The following FZR1 variants were observed in gnomAD, a reference collection of about 807,000 sequenced individuals.
FZR1 encodes the protein fizzy-related protein homolog.
A neutral mutation model predicts 63.6 loss-of-function variants in FZR1; 11 were observed. That is an observed-to-expected ratio of 0.17 (90% CI 0.11 to 0.29). FZR1 has a LOEUF of 0.29. Ranked by LOEUF, FZR1 falls within the 10% of genes least tolerant of loss-of-function variation. The probability of loss-of-function intolerance (pLI) is 1.00; values close to 1 mark genes in which losing one functional copy is unlikely to be tolerated. For synonymous variants in FZR1, 328 were observed against 297.9 expected, an observed-to-expected ratio of 1.10 and a Z score of -1.04; for missense variants, 440 against 687.5, an observed-to-expected ratio of 0.64 and a Z score of 4.03.
In FZR1 at chr19:3,525,716, A is replaced by T; in HGVS notation, c.70-152A>T. ...CTCGGCCTCCCAAAGTGCTGGGATT[A>T]CGGGCGTGAGCCACCGCGCCTGGCC... On this transcript the variant is annotated intron_variant, in intron 2 of 13. Coordinates refer to ENST00000441788, the MANE Select transcript of FZR1 (RefSeq NM_016263.4). This position sits in a 1 kb window ranked among gnomAD's most constrained non-coding sequence, Gnocchi z 4.2. 1.2e-6 allele frequency: 1 copy of T among 837,378 alleles called. No homozygotes were observed. The highest frequency in any genetic ancestry group is 1.9e-6 in the Non-Finnish European group (1 of 539,900). The allele number at this position is 837,378 out of a possible 1,614,324, so 51.9% of individuals were successfully genotyped here. A position where few individuals can be genotyped will look rare whatever the true frequency, so the allele number is the denominator to read the frequency against.
Position 3,531,796 on chromosome 19 carries a change from A to T in FZR1, c.803A>T (p.Glu268Val). 3 of 1,550,284 alleles carry T rather than the reference A, an allele frequency of 1.9e-6. No homozygotes were observed. The highest frequency in any genetic ancestry group is 2.6e-6 in the Non-Finnish European group (3 of 1,146,730). ...GCAGGGAAGAAGCTGTCCATGTTGG[A>T]GGGCCACACGGCACGCGTCGGTGAG... ...AAAGKKLSML[E>V]GHTARVGALA... Residue 268 changes from glutamate to valine, a missense_variant, in exon 9 of 14, where the codon GAG (glutamate) becomes GTG (valine). Coordinates refer to ENST00000441788, the MANE Select transcript of FZR1 (RefSeq NM_016263.4).
At position 3,532,436 on chromosome 19, in the gene FZR1, C is replaced by T. The variant is rs776358889; in HGVS notation, c.1028C>T (p.Ser343Leu). ...NDNKLLVWNH[S>L]SLSPVQQYTE... is the part of the protein sequence containing the mutation. Reference sequence around the variant, plus strand: ...CCCCAGCTGCTGGTCTGGAATCACTCGAGCCTGAGCCCCGTGCAGCAGTAC... The same window carrying T: ...CCCCAGCTGCTGGTCTGGAATCACTTGAGCCTGAGCCCCGTGCAGCAGTAC... Residue 343 changes from serine (S) to leucine (L), a missense_variant, in exon 11 of 14, where the codon TCG (serine) becomes TTG (leucine). Around this residue, in one of 5 missense-constraint regions of FZR1, gnomAD observed 208 missense variants for 363.6 expected, o/e 0.57. Transcript: ENST00000441788. The T allele has an allele frequency of 7.5e-6, 12 of 1,592,406 alleles. No individual in the cohort carries two copies. Among genetic ancestry groups the T allele is most frequent in the Non-Finnish European group, 5.1e-6 (6 of 1,168,186 alleles).
chr19:3,520,657 G>A (rs763946967), intron 1 of FZR1, among the ~76,000 whole-genome samples: 3 of 152,214 alleles, frequency 2.0e-5, no homozygotes, highest in African/African-American at 4.8e-5. Context: ...CCTTGACTGC[G>A]GGCCCAGTCA....
chr19:3,527,664 C>T lies in FZR1; in HGVS notation c.504C>T (p.Thr168=), dbSNP rs2083174244. ...QKLLRSPRKP[T]RKISKIPFKV... is the part of the protein sequence containing the mutation. The stretch of plus-strand genomic sequence containing the variant: ...TGCTCCGGTCCCCCCGGAAACCCAC[C>T]CGCAAGATCTCCAAGATCCCCTTCA... Residue 168 remains threonine, a synonymous_variant, in exon 7 of 14, where the codon ACC becomes ACT. Transcript: ENST00000441788. The T allele has an allele frequency of 1.9e-6, 3 of 1,611,204 alleles. No individual in the cohort carries two copies. The African/African-American group carries it at 4.0e-5, about 22-fold the overall frequency.
At chr19:3,529,370 G>A (rs2083205546) in intron 7 of FZR1, among the ~76,000 whole-genome samples, 1 of 149,544 alleles carries the variant, frequency 6.7e-6, no homozygotes, top group Non-Finnish European at 1.5e-5. Flanking sequence ...GCGGATGGGA[G>A]AGCAGATGGG....
At position 3,516,596 on chromosome 19, in the gene FZR1, C is replaced by G. The variant is rs1436487479; in HGVS notation, c.-34-6360C>G. ...CGGGCAAGTGTCCAGGTGAGGTGCC[C>G]CGGGAGGCCCCAGGCCCGGGATACA... is the stretch of plus-strand genomic sequence containing the variant. On this transcript the variant is annotated intron_variant, in intron 1 of 13. Coordinates refer to ENST00000441788, the MANE Select transcript of FZR1 (RefSeq NM_016263.4). This position sits in a 1 kb window ranked among gnomAD's most constrained non-coding sequence, Gnocchi z 6.0. Among the ~76,000 whole-genome samples, 1 of 152,026 alleles carries G rather than the reference C, an allele frequency of 6.6e-6. No homozygotes were observed. The highest frequency in any genetic ancestry group is 2.4e-5 in the African/African-American group (1 of 41,398).
Position 3,525,768 on chromosome 19 carries a change from C to G in FZR1, c.70-100C>G. The G allele has an allele frequency of 7.1e-7, 1 of 1,411,484 alleles. No homozygotes were observed. Among genetic ancestry groups the G allele is most frequent in the Non-Finnish European group, 9.6e-7 (1 of 1,039,510 alleles). 87.4% of individuals were successfully genotyped at this position (1,411,484 alleles called of 1,614,324 possible). On this transcript the variant is annotated intron_variant, in intron 2 of 13. Coordinates refer to ENST00000441788, the MANE Select transcript of FZR1 (RefSeq NM_016263.4). This position sits in a 1 kb window ranked among gnomAD's most constrained non-coding sequence, Gnocchi z 4.2. ...ACCCCTTGGGTTTTCAAGATCAAAG[C>G]CCCCTTTGCTCAGTGGCCAGAGGCT...
chr19:3,535,831 G>C lies in FZR1; in HGVS notation c.*995G>C, dbSNP rs750410948. The C allele has an allele frequency of 6.6e-6, 1 of 152,342 alleles. No individual in the cohort carries two copies. The highest frequency in any genetic ancestry group is 6.5e-5 in the Admixed American group (1 of 15,286). The allele number at this position is 152,342 out of a possible 1,614,324, so 9.4% of individuals were successfully genotyped here. A position where few individuals can be genotyped will look rare whatever the true frequency, so the allele number is the denominator to read the frequency against. ...GTCCTGTCCACCAGCGCCAACAGCC[G>C]TGGGGAAGCCAAGGAGACCCAAGGG... On this transcript the variant is annotated 3_prime_UTR_variant, in exon 14 of 14. Coordinates refer to ENST00000441788, the MANE Select transcript of FZR1 (RefSeq NM_016263.4).
chr19:3,527,170 C>T lies in FZR1; in HGVS notation c.470+108C>T, dbSNP rs534349019. On this transcript the variant is annotated intron_variant, in intron 6 of 13. Transcript: ENST00000441788. ...CCCTGTCCCTGCGGGTCCTGGTGGGCGAGGCTGAAGGGGGCTTCCCAGGGC... is the reference window on the plus strand; with the variant it reads ...CCCTGTCCCTGCGGGTCCTGGTGGGTGAGGCTGAAGGGGGCTTCCCAGGGC... 2.4e-4 allele frequency: 220 copies of T among 903,018 alleles called. No homozygotes were observed. The African/African-American group carries it at 3.2e-3, about 13-fold the overall frequency. 55.9% of individuals were successfully genotyped at this position (903,018 alleles called of 1,614,324 possible).
chr19:3,509,698 C>G (rs2083011046), intron 1 of FZR1, among the ~76,000 whole-genome samples: 1 of 152,188 alleles, frequency 6.6e-6, no homozygotes, highest in Admixed American at 6.5e-5. Flanking sequence ...AATGGAATCC[C>G]ACATTGTGTG....
At position 3,531,664 on chromosome 19, in the gene FZR1, TC is replaced by T; in HGVS notation, c.721-46del. The T allele has an allele frequency of 1.5e-6, 2 of 1,333,232 alleles. 1 individual carries two copies. Among genetic ancestry groups the T allele is most frequent in the South Asian group, 2.6e-5 (2 of 77,902 alleles). The allele number at this position is 1,333,232 out of a possible 1,614,324, so 82.6% of individuals were successfully genotyped here. ...GCGACCAACGCCAGGACGGGCACAG[TC>T]CCCGGGCCAGACCTGACACCGGTGC... On this transcript the variant is annotated intron_variant, in intron 8 of 13. Coordinates refer to ENST00000441788, the MANE Select transcript of FZR1 (RefSeq NM_016263.4).
In FZR1 at chr19:3,515,840, A is replaced by G. The variant is rs144469496; in HGVS notation, c.-34-7116A>G. Reference sequence around the variant, plus strand: ...AGAAATAAGGCTTCTTTCCTCCCCAATCCTCGTCCTCTCCTTCCTCTCCCC... The same window carrying G: ...AGAAATAAGGCTTCTTTCCTCCCCAGTCCTCGTCCTCTCCTTCCTCTCCCC... On this transcript the variant is annotated intron_variant, in intron 1 of 13. Transcript: ENST00000441788. The surrounding 1 kb of genome is among the most constrained non-coding windows in gnomAD (Gnocchi z 4.6). 0.01 allele frequency among the ~76,000 whole-genome samples: 1,532 copies of G among 150,518 alleles called. 10 individuals are homozygous for G. Among genetic ancestry groups the G allele is most frequent in the Middle Eastern group, 0.021 (6 of 284 alleles).
At chr19:3,512,949 AT>A (rs2083034038) in intron 1 of FZR1, among the ~76,000 whole-genome samples, 4 of 151,912 alleles carry the variant, frequency 2.6e-5, no homozygotes, top group Admixed American at 1.3e-4. Context: ...GTGACCCCCC[AT>A]TTTTTTGTGG....
intron 13 of FZR1, 24 bp from the exon 14 acceptor site, chr19:3,534,771 T>A: frequency 1.2e-6 from 2 of 1,610,174 alleles, no homozygotes; most frequent in Non-Finnish European, 1.7e-6. Context: ...GCTCAGCGCA[T>A]CTGCCATCCC....
chr19:3,527,100 T>C (rs746407668), intron 6 of FZR1, 38 bp downstream of exon 6: 3 of 1,458,144 alleles, frequency 2.1e-6, no homozygotes, highest in Admixed American at 3.4e-5. Flanking sequence ...CCCTACTCCC[T>C]GTCTCCCGTC....
intron 7 of FZR1, among the ~76,000 whole-genome samples, chr19:3,529,288 AAGTGGATGGTTG>A (rs1219358225): frequency 3.1e-4 from 8 of 25,722 alleles, no homozygotes; most frequent in Admixed American, 1.6e-3. Flanking sequence ...GTGGTTGAGG[AAGTGGATGGTTG>A]AGTGGATGGG....
rs866234936 is a variant in FZR1, at chr19:3,508,257, C to G, written c.-35+1783C>G. Among the ~76,000 whole-genome samples, 31 of 131,678 alleles carry G rather than the reference C, an allele frequency of 2.4e-4. No individual in the cohort carries two copies. In the South Asian group the frequency reaches 5.0e-3, roughly 21 times the overall value. The allele number at this position is 131,678 out of a possible 152,430, so 86.4% of individuals were successfully genotyped here. A position where few individuals can be genotyped will look rare whatever the true frequency, so the allele number is the denominator to read the frequency against. ...TTCGCTCTGGGCTGAAGTCCAGTGG[C>G]GCGATCTCGGCTCACCGCAACCTCT... On this transcript the variant is annotated intron_variant, in intron 1 of 13. Transcript: ENST00000441788.
At chr19:3,522,920 C>G (rs2083116203) in intron 1 of FZR1, 36 bp from the exon 2 acceptor site, 8 of 1,111,910 alleles carry the variant, frequency 7.2e-6, no homozygotes, top group South Asian at 1.2e-5. Flanking sequence ...GCAGCCGGCC[C>G]TGCCCCACTC....
chr19:3,536,654 T>G lies in FZR1; in HGVS notation c.*1818T>G, dbSNP rs1190813843. On this transcript the variant is annotated 3_prime_UTR_variant, in exon 14 of 14. Transcript: ENST00000441788. ...GACGGCGTGAGGTTTGTGTTGGGGC[T>G]GGTTCTGCCCATGCTAGGGGGTGGG... 2 of 152,414 alleles carry G rather than the reference T, an allele frequency of 1.3e-5. No homozygotes were observed. The highest frequency in any genetic ancestry group is 4.8e-5 in the African/African-American group (2 of 41,438). 9.4% of individuals were successfully genotyped at this position (152,414 alleles called of 1,614,324 possible).
Sources: gnomAD v4.1 joint callset for allele counts (sites outside exome capture counted in the v4.1 genomes callset) on GRCh38, gnomAD v4.1.1 for gene constraint, gnomAD v4.1.1 regional missense constraint, Gnocchi (gnomAD v3.1) non-coding constraint, MANE v1.5 for transcripts, NCBI Gene and HGNC (gene_info 2026-07-23, HGNC 2026-07-21) for gene names.